Variants in LCN9 observed in about 807,000 individuals in gnomAD.
LCN9 encodes lipocalin 9.
A neutral mutation model predicts 18.5 loss-of-function variants in LCN9; 22 were observed. That is an observed-to-expected ratio of 1.19 (90% CI 0.85 to 1.70). The LOEUF (loss-of-function observed/expected upper bound fraction) is 1.70, where lower values mean the gene tolerates loss of function less well. LCN9 is among the 40% of genes most tolerant of loss of function. The probability of loss-of-function intolerance (pLI) is 0.00; values close to 1 mark genes in which losing one functional copy is unlikely to be tolerated. For synonymous variants in LCN9, 89 were observed against 83.0 expected, an observed-to-expected ratio of 1.07 and a Z score of -0.39; for missense variants, 202 against 201.3, an observed-to-expected ratio of 1.00 and a Z score of -0.02.
rs1834164359 is a variant in LCN9 at position 135,663,881 on chromosome 9, GGGACC to G, written c.97-280_97-276del. 3.3e-5 allele frequency among the ~76,000 whole-genome samples: 4 copies of G among 122,784 alleles called. No homozygotes were observed. In the South Asian group the frequency reaches 1.1e-3, roughly 35 times the overall value. 80.6% of individuals were successfully genotyped at this position (122,784 alleles called of 152,430 possible). A position where few individuals can be genotyped will look rare whatever the true frequency, so the allele number is the denominator to read the frequency against. On this transcript the variant is annotated intron_variant, in intron 1 of 5. Coordinates refer to ENST00000619315, the Ensembl canonical transcript of LCN9. ...CAGAGGGCATTCTGTGAGCAGAGGG[GGGACC>G]TTGGGATCAAAGGGGGGATCTGGGG...
In LCN9 at chr9:135,664,707, C is replaced by G; in HGVS notation, c.234-15C>G. ...CTGGAGCTCCACTCCCGGCATCTTC[C>G]TGGCTGGCTTCCAGGGTGCAGGGGG... On this transcript the variant is annotated splice_polypyrimidine_tract_variant and intron_variant, in intron 2 of 5. Transcript: ENST00000619315. The surrounding 1 kb of genome is among the most constrained non-coding windows in gnomAD (Gnocchi z 4.5). 1.9e-6 allele frequency: 3 copies of G among 1,571,808 alleles called. No individual in the cohort carries two copies. The highest frequency in any genetic ancestry group is 2.6e-6 in the Non-Finnish European group (3 of 1,161,996).
exon 6 of LCN9, chr9:135,666,334 G>C (rs2119181645): frequency 1.7e-6 from 1 of 577,866 alleles, no homozygotes; most frequent in African/African-American, 1.9e-5. Context: ...TGTCACTCCA[G>C]CCTCTGCCTC....
Position 135,664,245 on chromosome 9 carries a change from C to T in LCN9, c.180C>T (p.Val60=), listed in dbSNP as rs755674841. 7 of 1,613,648 alleles carry T rather than the reference C, an allele frequency of 4.3e-6. No homozygotes were observed. In the South Asian group the frequency reaches 7.7e-5, roughly 18 times the overall value. Residue 60 remains valine (V), a synonymous_variant, in exon 2 of 6, where the codon GTC becomes GTT. Transcript: ENST00000619315. This position sits in a 1 kb window ranked among gnomAD's most constrained non-coding sequence, Gnocchi z 4.5. The stretch of plus-strand genomic sequence containing the variant: ...AAAATGGAGACCTGAGGGTCTTCGT[C>T]CGGAATATTGAACACTTGAAGAACG...
chr9:135,664,671 C>T lies in LCN9; in HGVS notation c.234-51C>T, dbSNP rs969455277. On this transcript the variant is annotated intron_variant, in intron 2 of 5. Coordinates refer to ENST00000619315, the Ensembl canonical transcript of LCN9. The surrounding 1 kb of genome is among the most constrained non-coding windows in gnomAD (Gnocchi z 4.5). ...AGGAGGGGTGCTCTCTGCCATCGCA[C>T]GTCCAGGGGGCTGGAGCTCCACTCC... 5.4e-6 allele frequency: 8 copies of T among 1,486,006 alleles called. No individual in the cohort carries two copies. The highest frequency in any genetic ancestry group is 4.9e-5 in the East Asian group (2 of 40,502). 92.1% of individuals were successfully genotyped at this position (1,486,006 alleles called of 1,614,324 possible).
Position 135,665,545 on chromosome 9 carries a change from G to T in LCN9, c.419-143G>T. On this transcript the variant is annotated intron_variant, in intron 4 of 5. Transcript: ENST00000619315. The surrounding 1 kb of genome is among the most constrained non-coding windows in gnomAD (Gnocchi z 5.9). Reference sequence around the variant, plus strand: ...AATCTGTCACCTCCCATCTCACTTGGCACAAAGCCCCTCTCTGGTCAGGGC... The same window carrying T: ...AATCTGTCACCTCCCATCTCACTTGTCACAAAGCCCCTCTCTGGTCAGGGC... The T allele has an allele frequency of 1.1e-6, 1 of 882,064 alleles. No homozygotes were observed. The highest frequency in any genetic ancestry group is 1.6e-5 in the South Asian group (1 of 62,496). The allele number at this position is 882,064 out of a possible 1,614,324, so 54.6% of individuals were successfully genotyped here. A position where few individuals can be genotyped will look rare whatever the true frequency, so the allele number is the denominator to read the frequency against.
At position 135,664,422 on chromosome 9, in the gene LCN9, G is replaced by A. The variant is rs1215333098; in HGVS notation, c.233+124G>A. ...GACTTGCACTCTGGTGAGAGCCTGA[G>A]CCTGTGCGTGTGACCCTTGGGGGCA... On this transcript the variant is annotated intron_variant, in intron 2 of 5. Coordinates refer to ENST00000619315, the Ensembl canonical transcript of LCN9. The surrounding 1 kb of genome is among the most constrained non-coding windows in gnomAD (Gnocchi z 4.5). 1 of 1,288,896 alleles carries A rather than the reference G, an allele frequency of 7.8e-7. No homozygotes were observed. Among genetic ancestry groups the A allele is most frequent in the African/African-American group, 1.5e-5 (1 of 68,698 alleles). The allele number at this position is 1,288,896 out of a possible 1,614,324, so 79.8% of individuals were successfully genotyped here.
intron 1 of LCN9, 57 bp downstream of exon 1, chr9:135,663,474 C>A: frequency 6.6e-7 from 1 of 1,516,102 alleles, no homozygotes; most frequent in South Asian, 1.1e-5. Flanking sequence ...ACCTGTCTTC[C>A]CCCAGCCTGG....
In LCN9 at chr9:135,664,664, C is replaced by G. The variant is rs1318876358; in HGVS notation, c.234-58C>G. On this transcript the variant is annotated intron_variant, in intron 2 of 5. Coordinates refer to ENST00000619315, the Ensembl canonical transcript of LCN9. This position sits in a 1 kb window ranked among gnomAD's most constrained non-coding sequence, Gnocchi z 4.5. Reference sequence around the variant, plus strand: ...GCCCTGGAGGAGGGGTGCTCTCTGCCATCGCACGTCCAGGGGGCTGGAGCT... The same window carrying G: ...GCCCTGGAGGAGGGGTGCTCTCTGCGATCGCACGTCCAGGGGGCTGGAGCT... 4.2e-6 allele frequency: 6 copies of G among 1,442,948 alleles called. No homozygotes were observed. The highest frequency in any genetic ancestry group is 4.7e-6 in the Non-Finnish European group (5 of 1,067,848). The allele number at this position is 1,442,948 out of a possible 1,614,324, so 89.4% of individuals were successfully genotyped here.
rs956755116 is a variant in LCN9 at position 135,664,381 on chromosome 9, C to T, written c.233+83C>T. On this transcript the variant is annotated intron_variant, in intron 2 of 5. Coordinates refer to ENST00000619315, the Ensembl canonical transcript of LCN9. This position sits in a 1 kb window ranked among gnomAD's most constrained non-coding sequence, Gnocchi z 4.5. ...GCATACTCTCACTCTTGCACACACA[C>T]GCTCGCACACTCACTGACTTGCACT... 2.6e-5 allele frequency: 40 copies of T among 1,522,118 alleles called. No homozygotes were observed. Among genetic ancestry groups the T allele is most frequent in the Admixed American group, 5.1e-5 (3 of 59,334 alleles). 94.3% of individuals were successfully genotyped at this position (1,522,118 alleles called of 1,614,324 possible).
chr9:135,663,499 G>A, intron 1 of LCN9, 82 bp downstream of exon 1: 5 of 1,139,628 alleles, frequency 4.4e-6, no homozygotes, highest in Non-Finnish European at 6.2e-6. Context: ...TCTGACCTGT[G>A]ACCAGGGCAA....
exon 1 of LCN9, chr9:135,663,397 A>G: frequency 6.2e-7 from 1 of 1,613,924 alleles, no homozygotes. Context: ...CGTTATGCAG[A>G]GGAACTACAA....
chr9:135,666,017 G>C, exon 6 of LCN9: 1 of 1,599,918 alleles, frequency 6.3e-7, no homozygotes, highest in East Asian at 2.2e-5. Context: ...CCCCTGGTCT[G>C]GGAACCGAAC....
Position 135,665,160 on chromosome 9 carries a change from C to A in LCN9, c.308-85C>A. The A allele has an allele frequency of 1.1e-6, 1 of 940,682 alleles. No individual in the cohort carries two copies. The highest frequency in any genetic ancestry group is 1.7e-6 in the Non-Finnish European group (1 of 597,536). The allele number at this position is 940,682 out of a possible 1,614,324, so 58.3% of individuals were successfully genotyped here. A position where few individuals can be genotyped will look rare whatever the true frequency, so the allele number is the denominator to read the frequency against. On this transcript the variant is annotated intron_variant, in intron 3 of 5. Transcript: ENST00000619315. The surrounding 1 kb of genome is among the most constrained non-coding windows in gnomAD (Gnocchi z 5.9). Reference sequence around the variant, plus strand: ...CGCCTCAAAAGGCCACTTGACCCCCCATCCTCACTTGCGGCCACACAGCAC... The same window carrying A: ...CGCCTCAAAAGGCCACTTGACCCCCAATCCTCACTTGCGGCCACACAGCAC...
chr9:135,665,197 C>A lies in LCN9; in HGVS notation c.308-48C>A. Reference sequence around the variant, plus strand: ...CGGCCACACAGCACGTGTCACAGGACCCTGAGGGTGGCGGGGCCAGGCCAC... The same window carrying A: ...CGGCCACACAGCACGTGTCACAGGAACCTGAGGGTGGCGGGGCCAGGCCAC... On this transcript the variant is annotated intron_variant, in intron 3 of 5. Transcript: ENST00000619315. This position sits in a 1 kb window ranked among gnomAD's most constrained non-coding sequence, Gnocchi z 5.9. The A allele has an allele frequency of 1.5e-6, 2 of 1,301,148 alleles. No individual in the cohort carries two copies. Among genetic ancestry groups the A allele is most frequent in the Non-Finnish European group, 2.2e-6 (2 of 918,758 alleles). 80.6% of individuals were successfully genotyped at this position (1,301,148 alleles called of 1,614,324 possible).
At chr9:135,666,209 G>A (rs1834219972) in exon 6 of LCN9, 1 of 1,490,546 alleles carries the variant, frequency 6.7e-7, no homozygotes, top group African/African-American at 1.4e-5. Context: ...ACAGCCTGGA[G>A]CCCGAGGTCT....
In LCN9 at chr9:135,664,007, T is replaced by G. The variant is rs375617620; in HGVS notation, c.97-155T>G. On this transcript the variant is annotated intron_variant, in intron 1 of 5. Transcript: ENST00000619315. This position sits in a 1 kb window ranked among gnomAD's most constrained non-coding sequence, Gnocchi z 4.5. ...CCTTGGGGGTAAAGGGGGGATCTGG[T>G]GACGAGGGGAGACCTGGGGGCACTG... Among the ~76,000 whole-genome samples the G allele has an allele frequency of 1.8e-4, 11 of 61,082 alleles. No individual in the cohort carries two copies. Among genetic ancestry groups the G allele is most frequent in the South Asian group, 1.2e-3 (2 of 1,676 alleles). The allele number at this position is 61,082 out of a possible 152,430, so 40.1% of individuals were successfully genotyped here. A position where few individuals can be genotyped will look rare whatever the true frequency, so the allele number is the denominator to read the frequency against.
chr9:135,665,906 T>G lies in LCN9; in HGVS notation c.*55T>G, dbSNP rs775876926. On this transcript the variant is annotated 3_prime_UTR_variant, in exon 6 of 6. Coordinates refer to ENST00000619315, the Ensembl canonical transcript of LCN9. This position sits in a 1 kb window ranked among gnomAD's most constrained non-coding sequence, Gnocchi z 5.9. ...TACAGGAGCCCGCCCAGGCCTCCCATGCGTGAGCTGCGACTCGGGACGGGC... is the reference window on the plus strand; with the variant it reads ...TACAGGAGCCCGCCCAGGCCTCCCAGGCGTGAGCTGCGACTCGGGACGGGC... 1.1e-5 allele frequency: 18 copies of G among 1,611,580 alleles called. No homozygotes were observed. The highest frequency in any genetic ancestry group is 2.2e-5 in the East Asian group (1 of 44,822).
chr9:135,663,345 G>A (rs1335800644), exon 1 of LCN9: 1 of 1,613,734 alleles, frequency 6.2e-7, no homozygotes, highest in East Asian at 2.2e-5. Context: ...TGCTGAGCCT[G>A]GGGCTGAGCC....
chr9:135,666,225 C>T (rs189546519), exon 6 of LCN9: 1 of 1,395,982 alleles, frequency 7.2e-7, no homozygotes, highest in Non-Finnish European at 9.7e-7. Context: ...GGTCTGAAAC[C>T]CGAGGTCCGC....
Sources: gnomAD v4.1 joint callset for allele counts (sites outside exome capture counted in the v4.1 genomes callset) on GRCh38, gnomAD v4.1.1 for gene constraint, Gnocchi (gnomAD v3.1) non-coding constraint, MANE v1.5 for transcripts, NCBI Gene and HGNC (gene_info 2026-07-23, HGNC 2026-07-21) for gene names.